Variants in EMSY observed in about 807,000 individuals in gnomAD.
EMSY encodes EMSY transcriptional repressor, BRCA2 interacting.
A neutral mutation model predicts 134.6 loss-of-function variants in EMSY; 26 were observed. The ratio of observed to expected loss-of-function variants is 0.19; its 90% CI spans 0.14 to 0.27. EMSY has a LOEUF of 0.27. EMSY is among the 10% of genes least tolerant of loss of function. The pLI, the probability that EMSY is intolerant of heterozygous loss-of-function variation, is 1.00. For synonymous variants in EMSY, 579 were observed against 577.8 expected, an observed-to-expected ratio of 1.00 and a Z score of -0.03; for missense variants, 1,305 against 1,611.4, an observed-to-expected ratio of 0.81 and a Z score of 3.26.
exon 12 of EMSY, chr11:76,523,286 G>A (rs759735062): frequency 1.2e-6 from 2 of 1,611,314 alleles, no homozygotes; most frequent in Admixed American, 1.7e-5. Flanking sequence ...GTTGCTAAAT[G>A]CTGGAGTAAG....
chr11:76,502,188 A>G (rs1949890494), intron 9 of EMSY, among the ~76,000 whole-genome samples: 1 of 150,838 alleles, frequency 6.6e-6, no homozygotes, highest in African/African-American at 2.4e-5. Flanking sequence ...ACACTAAAAG[A>G]AGTTCTATGA....
intron 7 of EMSY, among the ~76,000 whole-genome samples, chr11:76,465,966 A>G (rs544198256): frequency 1.3e-5 from 2 of 152,306 alleles, no homozygotes; most frequent in Admixed American, 1.3e-4. Flanking sequence ...TTGTTCAGAA[A>G]TATCCCAGTC....
At chr11:76,487,737 G>A (rs1312227418) in intron 8 of EMSY, among the ~76,000 whole-genome samples, 1 of 152,236 alleles carries the variant, frequency 6.6e-6, no homozygotes, top group Non-Finnish European at 1.5e-5. Context: ...TAAGGTTTAT[G>A]TGAAACAAAT....
chr11:76,545,864 C>T (rs766186333), exon 20 of EMSY: 1 of 1,614,120 alleles, frequency 6.2e-7, no homozygotes, highest in Non-Finnish European at 8.5e-7. Flanking sequence ...CGCCAGCCTC[C>T]CACAGTTACA....
At chr11:76,460,998 GAA>G (rs997002440) in intron 6 of EMSY, 2 of 136,624 alleles carry the variant, frequency 1.5e-5, no homozygotes, top group Non-Finnish European at 1.6e-5. Context: ...TCAAAAAAAA[GAA>G]AAAAAAAAAA....
intron 9 of EMSY, among the ~76,000 whole-genome samples, chr11:76,513,174 A>T (rs1950336309): frequency 6.6e-6 from 1 of 152,166 alleles, no homozygotes; most frequent in South Asian, 2.1e-4. Flanking sequence ...AAGTTTGTTA[A>T]TGCAATGTTT....
At chr11:76,484,771 A>G (rs1356689092) in intron 8 of EMSY, among the ~76,000 whole-genome samples, 1 of 152,060 alleles carries the variant, frequency 6.6e-6, no homozygotes, top group Non-Finnish European at 1.5e-5. Flanking sequence ...CATCTCTACT[A>G]AAAATACAAA....
chr11:76,452,261 G>A (rs913421152), intron 3 of EMSY, among the ~76,000 whole-genome samples: 1 of 152,310 alleles, frequency 6.6e-6, no homozygotes, highest in Middle Eastern at 3.4e-3. Context: ...TTTTGACATA[G>A]GTGAAGGAAA....
intron 9 of EMSY, among the ~76,000 whole-genome samples, chr11:76,502,576 A>G (rs1949916106): frequency 6.6e-6 from 1 of 151,772 alleles, no homozygotes; most frequent in South Asian, 2.1e-4. Context: ...ATCTACTAAA[A>G]GATATTAGAA....
At chr11:76,477,935 A>G (rs1948829066) in intron 8 of EMSY, among the ~76,000 whole-genome samples, 1 of 151,672 alleles carries the variant, frequency 6.6e-6, no homozygotes, top group Non-Finnish European at 1.5e-5. Flanking sequence ...TATTTTATGG[A>G]TTTCATGAAT....
chr11:76,513,983 T>C (rs1950364859), intron 10 of EMSY, among the ~76,000 whole-genome samples: 1 of 152,166 alleles, frequency 6.6e-6, no homozygotes, highest in Non-Finnish European at 1.5e-5. Context: ...ACATTACAGT[T>C]TAGTAAGCGT....
At chr11:76,486,832 TA>T (rs913830987) in intron 8 of EMSY, among the ~76,000 whole-genome samples, 1 of 152,198 alleles carries the variant, frequency 6.6e-6, no homozygotes, top group African/African-American at 2.4e-5. Flanking sequence ...AAGATGACAT[TA>T]ACACTGCAGA....
At chr11:76,489,275 G>C (rs949574419) in intron 8 of EMSY, among the ~76,000 whole-genome samples, 1 of 148,418 alleles carries the variant, frequency 6.7e-6, no homozygotes, top group African/African-American at 2.5e-5. Flanking sequence ...GCATGTCCAT[G>C]TTACTTGGTT....
intron 14 of EMSY, among the ~76,000 whole-genome samples, chr11:76,531,823 C>T (rs1211311201): frequency 6.6e-6 from 1 of 152,134 alleles, no homozygotes; most frequent in Non-Finnish European, 1.5e-5. Context: ...TTCTTAACTT[C>T]AGGTCCTTTT....
intron 16 of EMSY, among the ~76,000 whole-genome samples, chr11:76,538,174 A>T (rs1442078873): frequency 6.6e-6 from 1 of 152,258 alleles, no homozygotes; most frequent in Non-Finnish European, 1.5e-5. Flanking sequence ...CAAGTCAGCC[A>T]TAAATAACAA....
At position 76,506,776 on chromosome 11, in the gene EMSY, C is replaced by T. The variant is rs115834679; in HGVS notation, c.1364-6610C>T. Among the ~76,000 whole-genome samples the T allele has an allele frequency of 9.2e-3, 1,393 of 152,174 alleles. 22 individuals carry two copies. The highest frequency in any genetic ancestry group is 0.032 in the African/African-American group (1,326 of 41,510). On this transcript the variant is annotated intron_variant, in intron 9 of 20. Coordinates refer to ENST00000334736, the Ensembl canonical transcript of EMSY. ...GTACATTACTGGTAGGAAAATAAAT[C>T]GAAAATCCCGATAAGATGAAAACTT...
At chr11:76,495,978 A>G (rs1266397646) in intron 8 of EMSY, among the ~76,000 whole-genome samples, 1 of 152,132 alleles carries the variant, frequency 6.6e-6, no homozygotes. Context: ...TCACCAAGGG[A>G]AAATCAGTTC....
At chr11:76,496,328 C>G in exon 9 of EMSY, 1 of 1,614,166 alleles carries the variant, frequency 6.2e-7, no homozygotes, top group Non-Finnish European at 8.5e-7. Context: ...TCAACAGTCT[C>G]CTAAGCAGCA....
exon 10 of EMSY, chr11:76,513,396 C>G: frequency 4.3e-6 from 7 of 1,612,888 alleles, no homozygotes; most frequent in Non-Finnish European, 5.9e-6. Flanking sequence ...GTGTTAAAAT[C>G]ATCACACAAC....
Sources: allele counts gnomAD v4.1 joint callset (sites outside exome capture counted in the v4.1 genomes callset), GRCh38; gene constraint gnomAD v4.1.1; transcripts MANE v1.5; gene names NCBI Gene and HGNC (gene_info 2026-07-23, HGNC 2026-07-21).